NBAS: variants seen among roughly 807,000 people sequenced by gnomAD.
The protein encoded by NBAS is NBAS subunit of NRZ tethering complex, also known as NAG/BC035112 fusion.
A neutral mutation model predicts 302.5 loss-of-function variants in NBAS; 219 were observed. The observed-to-expected ratio is 0.72, with a 90% CI of 0.65 to 0.81. The LOEUF (loss-of-function observed/expected upper bound fraction) is 0.81. Ranked by LOEUF, NBAS falls within the 30% of genes least tolerant of loss-of-function variation. The probability of loss-of-function intolerance (pLI) is 0.00; values close to 1 mark genes in which losing one functional copy is unlikely to be tolerated. For missense variants in NBAS, 2,932 were observed against 2,841.6 expected (o/e 1.03, Z -0.72); for synonymous variants, 1,118 against 1,021.6 (o/e 1.09, Z -1.80).
chr2:14,802,764 T>A, the NBAS span, among the ~76,000 whole-genome samples: 1 of 146,210 alleles, frequency 6.8e-6, no homozygotes, highest in African/African-American at 2.6e-5. Context: ...TTGGAAATCA[T>A]CATTCTCAGT....
Position 15,223,657 on chromosome 2 carries a change from C to T in NBAS, c.6237-4689G>A, listed in dbSNP as rs1413872094. Among the ~76,000 whole-genome samples, 5 of 151,868 alleles carry T rather than the reference C, an allele frequency of 3.3e-5. No homozygotes were observed. In the East Asian group the frequency reaches 5.8e-4, roughly 18 times the overall value. On this transcript the variant is annotated intron_variant, in intron 47 of 51. Transcript: ENST00000281513. The stretch of plus-strand genomic sequence containing the variant: ...CATCCTGGCCAACATGGTGAAACCC[C>T]GTCTCTATTAAAAATACAAAAATTA...
chr2:14,998,750 T>C, the NBAS span, among the ~76,000 whole-genome samples: 1 of 152,192 alleles, frequency 6.6e-6, no homozygotes, highest in Non-Finnish European at 1.5e-5. Flanking sequence ...ATGGGAACCA[T>C]CCTGGAGAAT....
the NBAS span, among the ~76,000 whole-genome samples, chr2:14,954,029 C>G: frequency 2.0e-5 from 3 of 152,246 alleles, no homozygotes; most frequent in African/African-American, 7.2e-5. Context: ...TAAGCCCTAC[C>G]CTGCTTCATT....
chr2:15,352,000 CT>C lies in NBAS; in HGVS notation c.4170del (p.Val1391TyrfsTer6). 6.2e-7 allele frequency: 1 copy of C among 1,607,602 alleles called. No individual in the cohort carries two copies. The highest frequency in any genetic ancestry group is 8.5e-7 in the Non-Finnish European group (1 of 1,174,272). On this transcript the variant is annotated frameshift_variant, in exon 35 of 52. Coordinates refer to ENST00000281513, the MANE Select transcript of NBAS (RefSeq NM_015909.4). LOFTEE classifies it high-confidence loss of function. ...CCCTCATTTTAACTTACCTCTTGTA[CT>C]GCTTTACTAGTTAATGGTGAAGCAC... Reference protein sequence around the residue: ...NISASPLTSKAVQEDEVGVPG... With the variant: ...NISASPLTSKXVQEDEVGVPG...
chr2:15,467,266 G>T, intron 19 of NBAS, 63 bp downstream of exon 19: 1 of 1,159,758 alleles, frequency 8.6e-7, no homozygotes, highest in Non-Finnish European at 1.3e-6. Context: ...TATTAGGGCA[G>T]CCATAGCATT....
At chr2:15,229,347 C>CAAAAAAAAAAAA (rs61152926) in intron 47 of NBAS, among the ~76,000 whole-genome samples, 12 of 76,920 alleles carry the variant, frequency 1.6e-4, no homozygotes, top group South Asian at 4.8e-4. Context: ...TCTCAAAAAA[C>CAAAAAAAAAAAA]AAAAAAAAAA....
chr2:15,145,385 G>A, the NBAS span, among the ~76,000 whole-genome samples: 1 of 131,032 alleles, frequency 7.6e-6, no homozygotes, highest in Admixed American at 8.5e-5. Context: ...GCATTGAGAT[G>A]TATGTGTTTG....
chr2:15,451,749 A>G (rs2148539844), intron 21 of NBAS, among the ~76,000 whole-genome samples: 2 of 152,296 alleles, frequency 1.3e-5, no homozygotes, highest in Middle Eastern at 6.8e-3. Context: ...TAAAGTATCA[A>G]AAGACACTAG....
chr2:15,335,751 G>C (rs1371226378), intron 35 of NBAS, among the ~76,000 whole-genome samples: 1 of 152,198 alleles, frequency 6.6e-6, no homozygotes, highest in African/African-American at 2.4e-5. Context: ...CATGAATTGT[G>C]AATACTTGCT....
chr2:15,404,610 C>A lies in NBAS; in HGVS notation c.2938-2309G>T, dbSNP rs184063039. Among the ~76,000 whole-genome samples the A allele has an allele frequency of 5.1e-3, 771 of 151,722 alleles. 3 individuals carry two copies. Among genetic ancestry groups the A allele is most frequent in the African/African-American group, 0.017 (685 of 41,352 alleles). ...TCACAGCAACCTCCACCTCCCAGGT[C>A]CAAGCGATTCTCCTGCCTCGGCGTC... On this transcript the variant is annotated intron_variant, in intron 25 of 51. Coordinates refer to ENST00000281513, the MANE Select transcript of NBAS (RefSeq NM_015909.4).
rs77047710 is a variant in NBAS, at chr2:15,463,626, C to T, written c.2098-1835G>A. Among the ~76,000 whole-genome samples, 965 of 152,056 alleles carry T rather than the reference C, an allele frequency of 6.3e-3. 10 individuals carry two copies. The highest frequency in any genetic ancestry group is 0.022 in the African/African-American group (908 of 41,492). ...AATCCCTGCCTCTTTCCCTTTATCG[C>T]ACTCATCCAGCAAATCATACCCTAA... On this transcript the variant is annotated intron_variant, in intron 19 of 51. Coordinates refer to ENST00000281513, the MANE Select transcript of NBAS (RefSeq NM_015909.4).
chr2:15,037,756 C>A, the NBAS span, among the ~76,000 whole-genome samples: 1 of 152,142 alleles, frequency 6.6e-6, no homozygotes, highest in Admixed American at 6.5e-5. Context: ...TGTCTGCACA[C>A]TCTTTGATCC....
At chr2:15,548,507 T>G (rs1664225974) in intron 6 of NBAS, among the ~76,000 whole-genome samples, 1 of 152,032 alleles carries the variant, frequency 6.6e-6, no homozygotes, top group South Asian at 2.1e-4. Context: ...CCGGGTGTGA[T>G]GGCACGCACC....
the NBAS span, among the ~76,000 whole-genome samples, chr2:15,134,961 C>A: frequency 6.6e-6 from 1 of 152,064 alleles, no homozygotes; most frequent in African/African-American, 2.4e-5. Flanking sequence ...GAATGCCATT[C>A]CCCCGTCTTG....
chr2:15,410,629 TA>T (rs556183675), intron 25 of NBAS, among the ~76,000 whole-genome samples: 165 of 152,338 alleles, frequency 1.1e-3, no homozygotes, highest in Non-Finnish European at 2.0e-3. Context: ...GGGAAAAAGA[TA>T]AAATCTTTGC....
At chr2:14,840,660 C>T in the NBAS span, among the ~76,000 whole-genome samples, 4 of 151,780 alleles carry the variant, frequency 2.6e-5, no homozygotes, top group South Asian at 6.2e-4. Flanking sequence ...AATTGTCATT[C>T]AAAAATATTG....
chr2:14,869,181 C>T, the NBAS span, among the ~76,000 whole-genome samples: 4 of 152,132 alleles, frequency 2.6e-5, no homozygotes, highest in Admixed American at 2.6e-4. Context: ...TATCTTGGTA[C>T]CTGCCTCTTT....
Position 15,504,136 on chromosome 2 carries a change from T to C in NBAS, c.954+9A>G, listed in dbSNP as rs369379225. The C allele has an allele frequency of 1.6e-5, 25 of 1,610,810 alleles. No homozygotes were observed. In the African/African-American group the frequency reaches 3.2e-4, roughly 21 times the overall value. On this transcript the variant is annotated intron_variant, in intron 11 of 51. Coordinates refer to ENST00000281513, the MANE Select transcript of NBAS (RefSeq NM_015909.4). ...AGAAGCCCACCATAGTTAAGCCAAT[T>C]TGTGTTACCTGTTCTTGTCCCTGGC...
chr2:14,989,917 C>T, the NBAS span, among the ~76,000 whole-genome samples: 4 of 151,996 alleles, frequency 2.6e-5, no homozygotes, highest in South Asian at 2.1e-4. Context: ...AAAAGAAGGG[C>T]GTAAAATGGT....
Sources: allele counts gnomAD v4.1 joint callset (sites outside exome capture counted in the v4.1 genomes callset), GRCh38; gene constraint gnomAD v4.1.1; transcripts MANE v1.5; gene names NCBI Gene and HGNC (gene_info 2026-07-23, HGNC 2026-07-21).